The following HHAT variants were observed in gnomAD, a reference collection of about 807,000 sequenced individuals.
The protein encoded by HHAT is protein-cysteine N-palmitoyltransferase HHAT.
HHAT carries 47 observed loss-of-function variants against 70.8 expected under a neutral mutation model. That is an observed-to-expected ratio of 0.66 (90% CI 0.53 to 0.85). The LOEUF is 0.85. Among genes scored for constraint, HHAT ranks in the 40% least tolerant of loss-of-function variants. The pLI is 0.00. For synonymous variants in HHAT, 228 were observed against 247.6 expected, an observed-to-expected ratio of 0.92 and a Z score of 0.74; for missense variants, 609 against 604.8, an observed-to-expected ratio of 1.01 and a Z score of -0.07.
intron 8 of HHAT, among the ~76,000 whole-genome samples, chr1:210,464,884 G>A (rs1158129880): frequency 6.6e-6 from 1 of 152,164 alleles, no homozygotes; most frequent in Non-Finnish European, 1.5e-5. Flanking sequence ...TTCTTTCTGA[G>A]TCTGTGTACC....
chr1:210,476,649 G>A (rs888915587), intron 8 of HHAT, among the ~76,000 whole-genome samples: 2 of 152,138 alleles, frequency 1.3e-5, no homozygotes, highest in East Asian at 1.9e-4. Context: ...CTGAACTTCC[G>A]GAGGCCAGGG....
At chr1:210,523,605 T>TGTGC (rs1436710197) in intron 9 of HHAT, among the ~76,000 whole-genome samples, 2 of 151,966 alleles carry the variant, frequency 1.3e-5, no homozygotes, top group Non-Finnish European at 2.9e-5. Context: ...ATAGCTTGTG[T>TGTGC]GTGTGTGTGC....
At chr1:210,662,061 A>C (rs114595620) in intron 11 of HHAT, among the ~76,000 whole-genome samples, 2 of 152,220 alleles carry the variant, frequency 1.3e-5, no homozygotes, top group African/African-American at 4.8e-5. Context: ...TTAACTTATT[A>C]GTGTTAGTTC....
intron 9 of HHAT, among the ~76,000 whole-genome samples, chr1:210,516,755 G>A (rs974708106): frequency 2.0e-5 from 3 of 151,846 alleles, no homozygotes; most frequent in Non-Finnish European, 4.4e-5. Context: ...AAAAGCTGCA[G>A]CATGCCCTGA....
chr1:210,423,563 T>C (rs1197399968), intron 7 of HHAT, among the ~76,000 whole-genome samples: 1 of 152,200 alleles, frequency 6.6e-6, no homozygotes, highest in Middle Eastern at 3.2e-3. Context: ...TAGTTTGATA[T>C]ATCCCATTTG....
chr1:210,338,632 T>C (rs566756768), intron 1 of HHAT, among the ~76,000 whole-genome samples: 8 of 152,300 alleles, frequency 5.3e-5, no homozygotes, highest in African/African-American at 1.7e-4. Flanking sequence ...TACTGTGTTT[T>C]ACAGATAAGG....
chr1:210,363,598 C>T (rs896295969), intron 3 of HHAT, among the ~76,000 whole-genome samples: 3 of 152,270 alleles, frequency 2.0e-5, no homozygotes, highest in African/African-American at 7.2e-5. Context: ...GGGTTCTTCT[C>T]ATTCTTCTCC....
At chr1:210,358,271 C>A (rs1417289888) in intron 2 of HHAT, among the ~76,000 whole-genome samples, 2 of 152,234 alleles carry the variant, frequency 1.3e-5, no homozygotes, top group African/African-American at 4.8e-5. Flanking sequence ...TAAAGTTTTC[C>A]ATGCAAATTA....
chr1:210,602,755 C>T (rs34539121), intron 10 of HHAT, among the ~76,000 whole-genome samples: 12,385 of 152,174 alleles, frequency 0.081, 666 homozygotes, highest in Middle Eastern at 0.15. Flanking sequence ...TTGTTATGAA[C>T]GGTGTGTTCC....
intron 9 of HHAT, among the ~76,000 whole-genome samples, chr1:210,533,670 A>G (rs920645451): frequency 6.6e-6 from 1 of 152,152 alleles, no homozygotes; most frequent in Non-Finnish European, 1.5e-5. Flanking sequence ...GTATTTTCAG[A>G]GGGAAAAAAT....
chr1:210,450,668 T>C (rs1305862577), intron 7 of HHAT, among the ~76,000 whole-genome samples: 1 of 151,188 alleles, frequency 6.6e-6, no homozygotes, highest in Non-Finnish European at 1.5e-5. Flanking sequence ...CATTTTATAA[T>C]GAATCTACAT....
chr1:210,526,451 C>T (rs1239294042), intron 9 of HHAT, among the ~76,000 whole-genome samples: 1 of 149,982 alleles, frequency 6.7e-6, no homozygotes, highest in East Asian at 2.0e-4. Flanking sequence ...AGCGCATGAT[C>T]TTTAGTTAGC....
In HHAT at chr1:210,637,871, A is replaced by AAAAAG. The variant is rs1553312396; in HGVS notation, c.1390+14201_1390+14202insAAAAG. Among the ~76,000 whole-genome samples, 270 of 117,468 alleles carry AAAAAG rather than the reference A, an allele frequency of 2.3e-3. 8 individuals are homozygous for AAAAAG. The highest frequency in any genetic ancestry group is 3.5e-3 in the East Asian group (16 of 4,522). The allele number at this position is 117,468 out of a possible 152,430, so 77.1% of individuals were successfully genotyped here. On this transcript the variant is annotated intron_variant, in intron 11 of 11. Coordinates refer to ENST00000261458, the MANE Select transcript of HHAT (RefSeq NM_018194.6). ...GAGACTCCGTCTCAAAAAAAAAAAA[A>AAAAAG]GGGGGGGGCAAAGGACCTGAATAGA... is the stretch of plus-strand genomic sequence containing the variant.
chr1:210,420,543 G>GCC (rs2092867953), intron 7 of HHAT, among the ~76,000 whole-genome samples: 1 of 151,930 alleles, frequency 6.6e-6, no homozygotes, highest in Non-Finnish European at 1.5e-5. Flanking sequence ...AATACATTTT[G>GCC]CCCTAATGCT....
chr1:210,442,070 A>G (rs1014361212), intron 7 of HHAT, among the ~76,000 whole-genome samples: 2 of 141,542 alleles, frequency 1.4e-5, no homozygotes, highest in African/African-American at 5.3e-5. Flanking sequence ...CTCATTGTTC[A>G]GTTCCCACCT....
intron 11 of HHAT, among the ~76,000 whole-genome samples, chr1:210,637,392 G>A (rs1672074435): frequency 6.6e-6 from 1 of 152,096 alleles, no homozygotes; most frequent in Non-Finnish European, 1.5e-5. Flanking sequence ...ACAAGTAACA[G>A]AAGAAAAAAT....
intron 7 of HHAT, among the ~76,000 whole-genome samples, chr1:210,456,969 A>G (rs957395625): frequency 2.0e-5 from 3 of 151,916 alleles, no homozygotes; most frequent in Non-Finnish European, 4.4e-5. Flanking sequence ...TCTGCCCATG[A>G]CCTCACTCCC....
Position 210,674,297 on chromosome 1 carries a change from G to C in HHAT, c.1400G>C (p.Trp467Ser). 6.2e-6 allele frequency: 10 copies of C among 1,613,988 alleles called. No homozygotes were observed. The highest frequency in any genetic ancestry group is 8.5e-6 in the Non-Finnish European group (10 of 1,179,876). ...WNRIFIQGWP[W>S]VTLSVLGFLY... The stretch of plus-strand genomic sequence containing the variant: ...TGTCCTCCCTCTGCAGGCTGGCCTT[G>C]GGTGACCCTCTCTGTCCTGGGATTC... The change falls in exon 12 of 12, where the codon TGG (tryptophan) becomes TCG (serine). Residue 467 changes from tryptophan (W) to serine (S), a missense_variant. Trp to Ser is a radical substitution (Grantham distance 177). Coordinates refer to ENST00000261458, the MANE Select transcript of HHAT (RefSeq NM_018194.6).
intron 1 of HHAT, among the ~76,000 whole-genome samples, chr1:210,332,994 G>A (rs2085132065): frequency 6.6e-6 from 1 of 152,178 alleles, no homozygotes; most frequent in Non-Finnish European, 1.5e-5. Flanking sequence ...AGACAAATGT[G>A]CAGTGCAGGA....
Sources: gnomAD v4.1 joint callset for allele counts (sites outside exome capture counted in the v4.1 genomes callset) on GRCh38, gnomAD v4.1.1 for gene constraint, MANE v1.5 for transcripts, NCBI Gene and HGNC (gene_info 2026-07-23, HGNC 2026-07-21) for gene names.